SORL1: variants seen among roughly 807,000 people sequenced by gnomAD.
SORL1 encodes the protein sortilin-related receptor.
SORL1 carries 127 observed loss-of-function variants against 273.7 expected under a neutral mutation model. The ratio of observed to expected loss-of-function variants is 0.46; its 90% CI spans 0.40 to 0.54. The LOEUF (loss-of-function observed/expected upper bound fraction) is 0.54. Ranked by LOEUF, SORL1 falls within the 20% of genes least tolerant of loss-of-function variation. The pLI, the probability that SORL1 is intolerant of heterozygous loss-of-function variation, is 0.00. For synonymous variants in SORL1, 1,031 were observed against 1,067.4 expected (o/e 0.97, Z 0.66); for missense variants, 2,494 against 2,846.1 (o/e 0.88, Z 2.81).
chr11:121,492,806 A>T (rs1447794512), intron 5 of SORL1, among the ~76,000 whole-genome samples: 38 of 140,344 alleles, frequency 2.7e-4, no homozygotes, highest in South Asian at 4.5e-4. Context: ...CTTAAGGGTC[A>T]TTTTTTTTTT....
intron 40 of SORL1, 98 bp from the exon 41 acceptor site, chr11:121,614,773 A>C (rs1339981224): frequency 1.1e-6 from 1 of 923,270 alleles, no homozygotes; most frequent in African/African-American, 1.7e-5. Flanking sequence ...TTAAGTCAAG[A>C]GATTACTATT....
intron 13 of SORL1, among the ~76,000 whole-genome samples, chr11:121,544,491 C>T (rs1477831134): frequency 6.6e-6 from 1 of 152,184 alleles, no homozygotes; most frequent in Non-Finnish European, 1.5e-5. Context: ...AGAACTTGCC[C>T]TGTGCATATT....
chr11:121,461,009 G>C (rs1860991105), intron 1 of SORL1, among the ~76,000 whole-genome samples: 1 of 152,168 alleles, frequency 6.6e-6, no homozygotes, highest in Admixed American at 6.5e-5. Context: ...CGAGATGGCA[G>C]GGAGTGGGGA....
At chr11:121,461,798 C>T (rs1006311760) in intron 1 of SORL1, among the ~76,000 whole-genome samples, 5 of 152,098 alleles carry the variant, frequency 3.3e-5, no homozygotes, top group East Asian at 1.9e-4. Flanking sequence ...TATATGTCAT[C>T]GCTTGCTCTT....
chr11:121,530,612 G>A (rs899959624), intron 11 of SORL1, among the ~76,000 whole-genome samples: 3 of 151,946 alleles, frequency 2.0e-5, no homozygotes, highest in African/African-American at 7.3e-5. Context: ...GATGTGTCTA[G>A]GAGGGCTTTT....
intron 29 of SORL1, 109 bp downstream of exon 29, chr11:121,589,499 A>T: frequency 7.3e-7 from 1 of 1,369,732 alleles, no homozygotes; most frequent in Non-Finnish European, 1.0e-6. Flanking sequence ...GCCTTCCCGT[A>T]ACTCAGCAGC....
chr11:121,586,140 T>C, intron 26 of SORL1, 82 bp from the exon 27 acceptor site: 1 of 1,081,090 alleles, frequency 9.2e-7, no homozygotes, highest in Non-Finnish European at 1.4e-6. Flanking sequence ...GTGGTACCAG[T>C]GTGTACTCCC....
chr11:121,499,193 A>G (rs1381009085), intron 6 of SORL1, among the ~76,000 whole-genome samples: 2 of 152,244 alleles, frequency 1.3e-5, no homozygotes, highest in Non-Finnish European at 2.9e-5. Context: ...GTACTTTTAT[A>G]GGCAATTCTT....
chr11:121,532,586 A>G (rs1367924547), intron 12 of SORL1, 34 bp downstream of exon 12: 4 of 1,554,660 alleles, frequency 2.6e-6, no homozygotes, highest in Middle Eastern at 1.7e-4. Flanking sequence ...TTAACATCAA[A>G]CTTTCTCCCA....
intron 2 of SORL1, among the ~76,000 whole-genome samples, chr11:121,471,821 G>T (rs976539514): frequency 6.6e-6 from 1 of 152,176 alleles, no homozygotes; most frequent in Non-Finnish European, 1.5e-5. Context: ...GCCCGGGGTG[G>T]GTTCTGAGCC....
intron 1 of SORL1, among the ~76,000 whole-genome samples, chr11:121,469,079 G>A (rs981114296): frequency 6.6e-6 from 1 of 152,216 alleles, no homozygotes; most frequent in Non-Finnish European, 1.5e-5. Flanking sequence ...ACTGGTTAGC[G>A]GAGGTCTTTT....
At chr11:121,466,677 C>T (rs77414336) in intron 1 of SORL1, among the ~76,000 whole-genome samples, 5,695 of 152,178 alleles carry the variant, frequency 0.037, 343 homozygotes, top group East Asian at 0.18. Flanking sequence ...CTGTCCTGCG[C>T]GCATCCATTC....
At chr11:121,534,645 T>G (rs1184769631) in intron 12 of SORL1, among the ~76,000 whole-genome samples, 1 of 151,918 alleles carries the variant, frequency 6.6e-6, no homozygotes, top group Non-Finnish European at 1.5e-5. Flanking sequence ...CACCTGGCAT[T>G]TACTCAGTGT....
At chr11:121,552,478 A>G (rs1436738664) in intron 16 of SORL1, among the ~76,000 whole-genome samples, 1 of 152,226 alleles carries the variant, frequency 6.6e-6, no homozygotes, top group East Asian at 1.9e-4. Flanking sequence ...GAGTGACAGA[A>G]TGAGGTTTAT....
At chr11:121,586,693 T>TGGGGGGGGGGGG (rs376563096) in intron 27 of SORL1, among the ~76,000 whole-genome samples, 2 of 97,160 alleles carry the variant, frequency 2.1e-5, no homozygotes, top group Non-Finnish European at 4.1e-5. Flanking sequence ...GGGGGTAGAG[T>TGGGGGGGGGGGG]GGGGGGGGGG....
rs1565331859 is a variant in SORL1 at position 121,547,331 on chromosome 11, G to GTT, written c.2051+1902_2051+1903insTT. 1.0e-4 allele frequency among the ~76,000 whole-genome samples: 10 copies of GTT among 97,358 alleles called. No homozygotes were observed. The East Asian group carries it at 2.8e-3, about 28-fold the overall frequency. 63.9% of individuals were successfully genotyped at this position (97,358 alleles called of 152,430 possible). On this transcript the variant is annotated intron_variant, in intron 14 of 47. Coordinates refer to ENST00000260197, the MANE Select transcript of SORL1 (RefSeq NM_003105.6). ...GTAAGAAAGTCTAACAAATCTTTGGGGTTTTTTTTTTTTTCATGACATTTA... is the reference window on the plus strand; with the variant it reads ...GTAAGAAAGTCTAACAAATCTTTGGGTTGTTTTTTTTTTTTTCATGACATTTA...
At position 121,604,261 on chromosome 11, in the gene SORL1, C is replaced by T. The variant is rs1166627782; in HGVS notation, c.4588C>T (p.Leu1530Phe). The change falls in exon 33 of 48, where the codon CTC (leucine) becomes TTC (phenylalanine). Residue 1530 changes from leucine to phenylalanine, a missense_variant. This residue lies in a region of SORL1 where 1,609 missense variants were observed against 1,816.4 expected (regional missense o/e 0.89). Coordinates refer to ENST00000260197, the MANE Select transcript of SORL1 (RefSeq NM_003105.6). ...CGAGGACGGGGAGGCCTGCATTGTGCTCTCGGAGCGCTGCGACGGCTTCCT... is the reference window on the plus strand; with the variant it reads ...CGAGGACGGGGAGGCCTGCATTGTGTTCTCGGAGCGCTGCGACGGCTTCCT... ...QCEDGEACIVLSERCDGFLDC... is the reference protein window; with the variant it reads ...QCEDGEACIVFSERCDGFLDC... The T allele has an allele frequency of 1.2e-6, 2 of 1,614,002 alleles. No individual in the cohort carries two copies. The highest frequency in any genetic ancestry group is 1.3e-5 in the African/African-American group (1 of 74,906).
chr11:121,460,859 G>T (rs1860987792), intron 1 of SORL1, among the ~76,000 whole-genome samples: 1 of 152,080 alleles, frequency 6.6e-6, no homozygotes, highest in Admixed American at 6.5e-5. Context: ...AAGCTATAGG[G>T]TTAAGGTCCC....
chr11:121,565,199 A>G (rs1281091648), intron 21 of SORL1, among the ~76,000 whole-genome samples: 2 of 151,894 alleles, frequency 1.3e-5, no homozygotes, highest in African/African-American at 4.9e-5. Context: ...CTGTTTCATC[A>G]TGTGGACTTC....
Sources: allele counts gnomAD v4.1 joint callset (sites outside exome capture counted in the v4.1 genomes callset), GRCh38; gene constraint gnomAD v4.1.1; regional missense constraint gnomAD v4.1.1; transcripts MANE v1.5; gene names NCBI Gene and HGNC (gene_info 2026-07-23, HGNC 2026-07-21).